The following IKBKB variants were observed in gnomAD, a reference collection of about 807,000 sequenced individuals.
IKBKB encodes the protein inhibitor of nuclear factor kappa B kinase subunit beta, also known as inhibitor of nuclear factor kappa-B kinase subunit beta.
Under a neutral mutation model 113.6 loss-of-function variants are expected in IKBKB, and 42 were observed. The observed-to-expected ratio is 0.37, with a 90% confidence interval of 0.29 to 0.48. IKBKB has a LOEUF of 0.48. Ranked by LOEUF, IKBKB falls within the 20% of genes least tolerant of loss-of-function variation. The pLI, the probability that IKBKB is intolerant of heterozygous loss-of-function variation, is 0.99. For missense variants in IKBKB, 673 were observed against 939.7 expected (o/e 0.72, Z 3.71); for synonymous variants, 296 against 361.3 (o/e 0.82, Z 2.05).
intron 19 of IKBKB, among the ~76,000 whole-genome samples, chr8:42,322,808 T>A (rs1163270866): frequency 6.6e-6 from 1 of 152,164 alleles, no homozygotes; most frequent in Non-Finnish European, 1.5e-5. Flanking sequence ...GCCAGCAATT[T>A]GGGGAGGCTG....
At chr8:42,284,635 A>G (rs1232883563) in intron 2 of IKBKB, among the ~76,000 whole-genome samples, 2 of 151,878 alleles carry the variant, frequency 1.3e-5, no homozygotes, top group African/African-American at 2.4e-5. Context: ...ATTGGCTTTC[A>G]TTGAATTATG....
At chr8:42,292,606 G>A (rs1812878755) in intron 4 of IKBKB, among the ~76,000 whole-genome samples, 1 of 152,216 alleles carries the variant, frequency 6.6e-6, no homozygotes, top group Non-Finnish European at 1.5e-5. Flanking sequence ...TACATGCTGG[G>A]TACGTAAACA....
chr8:42,318,781 G>A, intron 13 of IKBKB, 106 bp downstream of exon 13: 1 of 1,093,972 alleles, frequency 9.1e-7, no homozygotes, highest in Non-Finnish European at 1.3e-6. Context: ...ACCGTTATGA[G>A]CAACAAAAGG....
At chr8:42,299,472 A>G (rs563623546) in intron 5 of IKBKB, among the ~76,000 whole-genome samples, 2 of 151,012 alleles carry the variant, frequency 1.3e-5, no homozygotes, top group East Asian at 1.9e-4. Flanking sequence ...CCACCCGCCA[A>G]CCTCTGTGTG....
Position 42,322,374 on chromosome 8 carries a change from G to T in IKBKB, c.1866G>T (p.Ala622=), listed in dbSNP as rs199681053. ...LSKTVVCKQK[A]LELLPKVEEV... ...AAACTGTGGTTTGCAAGCAGAAGGC[G>T]CTGGAACTGTTGCCCAAGGTGGAAG... Residue 622 remains alanine (A), a synonymous_variant, in exon 19 of 22, where the codon GCG becomes GCT. Coordinates refer to ENST00000520810, the MANE Select transcript of IKBKB (RefSeq NM_001556.3). The T allele has an allele frequency of 9.9e-6, 16 of 1,613,698 alleles. No individual in the cohort carries two copies. The highest frequency in any genetic ancestry group is 1.3e-5 in the African/African-American group (1 of 74,786).
chr8:42,325,604 C>T (rs745968069), intron 19 of IKBKB: 19 of 904,922 alleles, frequency 2.1e-5, no homozygotes, highest in Admixed American at 5.4e-5. Context: ...GCTTAAACCC[C>T]GGAGGTGGAG....
chr8:42,316,570 C>A lies in IKBKB; in HGVS notation c.931-140C>A. On this transcript the variant is annotated intron_variant, in intron 10 of 21. Transcript: ENST00000520810. This position sits in a 1 kb window ranked among gnomAD's most constrained non-coding sequence, Gnocchi z 4.5. ...AGATGCAAATATGCGAAACATGGCACATGACCTCCCTCCCTCAAGCTAGGC... is the reference window on the plus strand; with the variant it reads ...AGATGCAAATATGCGAAACATGGCAAATGACCTCCCTCCCTCAAGCTAGGC... 1.1e-6 allele frequency: 1 copy of A among 908,366 alleles called. No individual in the cohort carries two copies. The highest frequency in any genetic ancestry group is 1.6e-6 in the Non-Finnish European group (1 of 607,276). 56.3% of individuals were successfully genotyped at this position (908,366 alleles called of 1,614,324 possible). A position where few individuals can be genotyped will look rare whatever the true frequency, so the allele number is the denominator to read the frequency against.
chr8:42,324,495 CAA>C (rs1308108549), intron 19 of IKBKB: 1 of 152,214 alleles, frequency 6.6e-6, no homozygotes, highest in Non-Finnish European at 1.5e-5. Flanking sequence ...GAACTGGCCT[CAA>C]GAGATCTACC....
chr8:42,272,049 C>T (rs17875660), intron 1 of IKBKB, 34 bp from the exon 2 acceptor site: 28,330 of 1,582,108 alleles, frequency 0.018, 1,362 homozygotes, highest in South Asian at 0.14. Context: ...TTTCTTAATC[C>T]TAACCTTTTT....
intron 5 of IKBKB, among the ~76,000 whole-genome samples, chr8:42,295,617 C>T (rs543368987): frequency 2.0e-5 from 3 of 152,082 alleles, no homozygotes; most frequent in Non-Finnish European, 4.4e-5. Context: ...CCCAGCTACT[C>T]GGGAGGCTGA....
chr8:42,277,621 C>T (rs17875663), intron 2 of IKBKB, among the ~76,000 whole-genome samples: 3,086 of 152,320 alleles, frequency 0.02, 108 homozygotes, highest in African/African-American at 0.07. Context: ...GCCCTCTTGC[C>T]GGACAGGCCT....
At chr8:42,291,797 T>C (rs1294869667) in intron 4 of IKBKB, among the ~76,000 whole-genome samples, 1 of 152,022 alleles carries the variant, frequency 6.6e-6, no homozygotes, top group Admixed American at 6.6e-5. Flanking sequence ...CCAGATGTGG[T>C]GGTGTGCGCT....
At position 42,322,061 on chromosome 8, in the gene IKBKB, A is replaced by G; in HGVS notation, c.1746A>G (p.Arg582=). ...RRLREKPRDQ[R]TEGDSQEMVR... ...TACCCTCCCTCTCTCCAGACCAGCG[A>G]ACTGAGGGTGACAGTCAGGAAATGG... Residue 582 remains arginine, a synonymous_variant, in exon 18 of 22, where the codon CGA becomes CGG. Transcript: ENST00000520810. 6.2e-7 allele frequency: 1 copy of G among 1,613,810 alleles called. No individual in the cohort carries two copies. The highest frequency in any genetic ancestry group is 1.1e-5 in the South Asian group (1 of 91,064).
At chr8:42,286,668 C>A (rs762762755) in intron 2 of IKBKB, among the ~76,000 whole-genome samples, 1 of 152,126 alleles carries the variant, frequency 6.6e-6, no homozygotes, top group Non-Finnish European at 1.5e-5. Context: ...GGTTTTGCCA[C>A]GTTGCCCAGG....
chr8:42,318,625 G>C lies in IKBKB; in HGVS notation c.1314G>C (p.Gln438His). The C allele has an allele frequency of 6.2e-7, 1 of 1,613,984 alleles. No homozygotes were observed. Among genetic ancestry groups the C allele is most frequent in the Non-Finnish European group, 8.5e-7 (1 of 1,179,834 alleles). The stretch of plus-strand genomic sequence containing the variant: ...GGGGCCAGGTCTGGCACAGCATCCA[G>C]ACCCTGAAGGAAGATTGCAACCGGC... ...KVWGQVWHSI[Q>H]TLKEDCNRLQ... Residue 438 changes from glutamine to histidine, a missense_variant, in exon 13 of 22, where the codon CAG becomes CAC. Physicochemically the swap from Gln to His is conservative, Grantham distance 24. Coordinates refer to ENST00000520810, the MANE Select transcript of IKBKB (RefSeq NM_001556.3).
At chr8:42,275,729 A>C (rs1808941889) in intron 2 of IKBKB, among the ~76,000 whole-genome samples, 1 of 152,234 alleles carries the variant, frequency 6.6e-6, no homozygotes, top group African/African-American at 2.4e-5. Context: ...GCTATTGTGA[A>C]TAGTGCTGCA....
intron 20 of IKBKB, 144 bp downstream of exon 20, chr8:42,326,241 G>A: frequency 1.1e-6 from 1 of 950,580 alleles, no homozygotes; most frequent in South Asian, 1.7e-5. Context: ...GTCCTGTGGG[G>A]ACAAAAGTGA....
At chr8:42,302,294 C>A (rs552892736) in intron 5 of IKBKB, among the ~76,000 whole-genome samples, 2 of 152,252 alleles carry the variant, frequency 1.3e-5, no homozygotes, top group African/African-American at 2.4e-5. Context: ...CAATTGAGAA[C>A]AAGATGAAAT....
At chr8:42,284,287 A>T (rs1010673999) in intron 2 of IKBKB, among the ~76,000 whole-genome samples, 1 of 152,160 alleles carries the variant, frequency 6.6e-6, no homozygotes, top group African/African-American at 2.4e-5. Flanking sequence ...ATTGCCCCTT[A>T]ATACTGAGGT....
Sources: gnomAD v4.1 joint callset for allele counts (sites outside exome capture counted in the v4.1 genomes callset) on GRCh38, gnomAD v4.1.1 for gene constraint, Gnocchi (gnomAD v3.1) non-coding constraint, MANE v1.5 for transcripts, NCBI Gene and HGNC (gene_info 2026-07-23, HGNC 2026-07-21) for gene names.